Variants in ADGRG6 observed in about 807,000 individuals in gnomAD.
ADGRG6 encodes the protein adhesion G protein-coupled receptor G6.
A neutral mutation model predicts 142.4 loss-of-function variants in ADGRG6; 84 were observed. That is an observed-to-expected ratio of 0.59 (90% CI 0.49 to 0.71). ADGRG6 has a LOEUF of 0.71. Ranked by LOEUF, ADGRG6 falls within the 30% of genes least tolerant of loss-of-function variation. The pLI is 0.00. For synonymous variants in ADGRG6, 521 were observed against 520.5 expected, an observed-to-expected ratio of 1.00 and a Z score of -0.01; for missense variants, 1,367 against 1,466.6, an observed-to-expected ratio of 0.93 and a Z score of 1.11.
chr6:142,443,617 TA>T lies in ADGRG6; in HGVS notation c.*103del. The T allele has an allele frequency of 1.5e-6, 1 of 686,590 alleles. No homozygotes were observed. The highest frequency in any genetic ancestry group is 2.2e-5 in the South Asian group (1 of 46,430). 42.5% of individuals were successfully genotyped at this position (686,590 alleles called of 1,614,324 possible). A position where few individuals can be genotyped will look rare whatever the true frequency, so the allele number is the denominator to read the frequency against. On this transcript the variant is annotated 3_prime_UTR_variant, in exon 25 of 25. Transcript: ENST00000367609. The stretch of plus-strand genomic sequence containing the variant: ...ATGTGCTATTACCTAGGTAACTGCA[TA>T]TATATAAGGAATGTATTTTGTTAAG...
chr6:142,411,858 C>T (rs925167591), intron 18 of ADGRG6, among the ~76,000 whole-genome samples: 3 of 152,032 alleles, frequency 2.0e-5, no homozygotes, highest in African/African-American at 4.8e-5. Flanking sequence ...TATATTTGAA[C>T]GTTGCTTTGT....
intron 4 of ADGRG6, among the ~76,000 whole-genome samples, chr6:142,371,242 A>G (rs2114872708): frequency 6.6e-6 from 1 of 150,878 alleles, no homozygotes; most frequent in African/African-American, 2.4e-5. Flanking sequence ...GGCTCACTGC[A>G]AACTCTACCT....
chr6:142,378,757 A>G (rs10080956), intron 4 of ADGRG6, among the ~76,000 whole-genome samples: 2,548 of 152,228 alleles, frequency 0.017, 76 homozygotes, highest in African/African-American at 0.057. Flanking sequence ...ACTATTTTCT[A>G]TAGAGTTACT....
intron 22 of ADGRG6, among the ~76,000 whole-genome samples, chr6:142,421,334 G>A (rs1429980595): frequency 6.6e-6 from 1 of 152,052 alleles, no homozygotes; most frequent in Non-Finnish European, 1.5e-5. Flanking sequence ...TTTTATTCAG[G>A]TTCATTGTCT....
chr6:142,329,737 A>G (rs934846513), intron 2 of ADGRG6, among the ~76,000 whole-genome samples: 12 of 152,130 alleles, frequency 7.9e-5, no homozygotes, highest in African/African-American at 2.9e-4. Flanking sequence ...TTTCTTTTTC[A>G]TTTAAACATT....
intron 2 of ADGRG6, among the ~76,000 whole-genome samples, chr6:142,356,816 A>G (rs542913530): frequency 1.4e-4 from 22 of 152,348 alleles, no homozygotes; most frequent in Non-Finnish European, 2.8e-4. Context: ...AACATAGCCA[A>G]ATAACCACAT....
Position 142,416,120 on chromosome 6 carries a change from T to G in ADGRG6, c.2938+56T>G, listed in dbSNP as rs1353633481. ...TTTTCCCTCATGAAAATTGCCAGAT[T>G]CTCATAGGAAAAAATCTTATTTAAA... On this transcript the variant is annotated intron_variant, in intron 20 of 24. Transcript: ENST00000367609. 4.6e-6 allele frequency: 6 copies of G among 1,306,194 alleles called. No individual in the cohort carries two copies. The African/African-American group carries it at 8.9e-5, about 19-fold the overall frequency. The allele number at this position is 1,306,194 out of a possible 1,614,324, so 80.9% of individuals were successfully genotyped here. A position where few individuals can be genotyped will look rare whatever the true frequency, so the allele number is the denominator to read the frequency against.
intron 2 of ADGRG6, among the ~76,000 whole-genome samples, chr6:142,362,470 G>A (rs1389719745): frequency 1.3e-5 from 2 of 152,174 alleles, no homozygotes; most frequent in African/African-American, 4.8e-5. Context: ...CAATGTAACC[G>A]TGCTTTAAGA....
intron 13 of ADGRG6, among the ~76,000 whole-genome samples, chr6:142,403,214 G>T (rs1775625474): frequency 6.6e-6 from 1 of 151,834 alleles, no homozygotes; most frequent in Non-Finnish European, 1.5e-5. Flanking sequence ...CATGATTGTT[G>T]GACTTCTGAA....
Position 142,383,830 on chromosome 6 carries a change from T to A in ADGRG6, c.1209T>A (p.Asp403Glu), listed in dbSNP as rs907754398. ...TTNMPVTNRIDKQRNDGIIYR... is the reference protein window; with the variant it reads ...TTNMPVTNRIEKQRNDGIIYR... ...ACATGCCTGTTACTAACAGAATCGATAAACAAAGGAATGGTAAGAAATCAT... is the reference window on the plus strand; with the variant it reads ...ACATGCCTGTTACTAACAGAATCGAAAAACAAAGGAATGGTAAGAAATCAT... The change falls in exon 6 of 25, where the codon GAT (aspartate) becomes GAA (glutamate). Residue 403 changes from aspartate to glutamate, a missense_variant. Physicochemically the swap from Asp to Glu is conservative, Grantham distance 45. Around this residue, in one of 3 missense-constraint regions of ADGRG6, gnomAD observed 737 missense variants for 746.5 expected, o/e 0.99. Coordinates refer to ENST00000367609, the MANE Select transcript of ADGRG6 (RefSeq NM_198569.3). 6.5e-7 allele frequency: 1 copy of A among 1,531,616 alleles called. No individual in the cohort carries two copies. Among genetic ancestry groups the A allele is most frequent in the African/African-American group, 1.4e-5 (1 of 73,372 alleles). 94.9% of individuals were successfully genotyped at this position (1,531,616 alleles called of 1,614,324 possible).
At chr6:142,434,685 C>T (rs1433313618) in intron 22 of ADGRG6, among the ~76,000 whole-genome samples, 1 of 152,012 alleles carries the variant, frequency 6.6e-6, no homozygotes, top group Non-Finnish European at 1.5e-5. Context: ...TCAGTACTTT[C>T]ATAGTGGCAT....
At chr6:142,374,410 T>C (rs1781399569) in intron 4 of ADGRG6, among the ~76,000 whole-genome samples, 1 of 152,250 alleles carries the variant, frequency 6.6e-6, no homozygotes, top group African/African-American at 2.4e-5. Context: ...AACAATTAGA[T>C]TTCACATAAA....
chr6:142,318,231 AT>A (rs1429747548), intron 2 of ADGRG6, among the ~76,000 whole-genome samples: 1 of 64,250 alleles, frequency 1.6e-5, no homozygotes, highest in Non-Finnish European at 2.7e-5. Context: ...ATATATTTAT[AT>A]TATATATATT....
chr6:142,402,172 A>C (rs908269190), intron 12 of ADGRG6, 114 bp downstream of exon 12: 1 of 570,844 alleles, frequency 1.8e-6, no homozygotes, highest in Non-Finnish European at 3.1e-6. Flanking sequence ...TTTTCATATT[A>C]AAAGGCAAAT....
chr6:142,425,853 A>G (rs1387323593), intron 22 of ADGRG6, among the ~76,000 whole-genome samples: 1 of 152,204 alleles, frequency 6.6e-6, no homozygotes, highest in Admixed American at 6.5e-5. Context: ...AATCTTATGT[A>G]GGTGGCGGTA....
intron 4 of ADGRG6, among the ~76,000 whole-genome samples, chr6:142,374,931 ATC>A (rs773418763): frequency 4.7e-4 from 72 of 152,256 alleles, no homozygotes; most frequent in Non-Finnish European, 9.1e-4. Context: ...AACATTTAAA[ATC>A]TCTCAGCAAT....
intron 2 of ADGRG6, among the ~76,000 whole-genome samples, chr6:142,338,165 C>T (rs990310234): frequency 2.0e-5 from 3 of 151,096 alleles, no homozygotes; most frequent in Admixed American, 6.6e-5. Context: ...CGACTACAGG[C>T]GCCTGCCACT....
At position 142,391,479 on chromosome 6, in the gene ADGRG6, A is replaced by G. The variant is rs1286848247; in HGVS notation, c.1308+1136A>G. Among the ~76,000 whole-genome samples the G allele has an allele frequency of 6.6e-5, 10 of 150,636 alleles. No homozygotes were observed. In the East Asian group the frequency reaches 2.0e-3, roughly 29 times the overall value. On this transcript the variant is annotated intron_variant, in intron 7 of 24. Transcript: ENST00000367609. ...CACACACACACACACACACACACACAGAGACATCTATATATATTTGAAAAA... is the reference window on the plus strand; with the variant it reads ...CACACACACACACACACACACACACGGAGACATCTATATATATTTGAAAAA...
intron 2 of ADGRG6, among the ~76,000 whole-genome samples, chr6:142,321,533 C>A (rs1024406785): frequency 6.6e-6 from 1 of 151,924 alleles, no homozygotes. Context: ...GAATGAACTA[C>A]CTATGTATGC....
Sources: gnomAD v4.1 joint callset for allele counts (sites outside exome capture counted in the v4.1 genomes callset) on GRCh38, gnomAD v4.1.1 for gene constraint, gnomAD v4.1.1 regional missense constraint, MANE v1.5 for transcripts, NCBI Gene and HGNC (gene_info 2026-07-23, HGNC 2026-07-21) for gene names.